Variants in HK1 observed in about 807,000 individuals in gnomAD.
The protein encoded by HK1 is hexokinase 1.
A neutral mutation model predicts 91.6 loss-of-function variants in HK1; 28 were observed. That is an observed-to-expected ratio of 0.31 (90% CI 0.23 to 0.42). The LOEUF (loss-of-function observed/expected upper bound fraction) is 0.42. HK1 is among the 10% of genes least tolerant of loss of function. The probability of loss-of-function intolerance (pLI) is 1.00; values close to 1 mark genes in which losing one functional copy is unlikely to be tolerated. For missense variants in HK1, 770 were observed against 1,219.8 expected (o/e 0.63, Z 5.49); for synonymous variants, 430 against 468.1 (o/e 0.92, Z 1.05).
chr10:69,367,524 G>C (rs543346918), intron 4 of HK1, among the ~76,000 whole-genome samples: 1 of 152,304 alleles, frequency 6.6e-6, no homozygotes, highest in Admixed American at 6.5e-5. Context: ...CTGCTTGAGA[G>C]GAGGCAGATA....
intron 17 of HK1, among the ~76,000 whole-genome samples, chr10:69,400,344 C>T (rs535212855): frequency 1.3e-5 from 2 of 152,292 alleles, no homozygotes; most frequent in South Asian, 2.1e-4. Flanking sequence ...CTGGCCCTGC[C>T]CTTCATTTTG....
chr10:69,276,547 T>C (rs1844483377), intron 1 of HK1, among the ~76,000 whole-genome samples: 1 of 151,838 alleles, frequency 6.6e-6, no homozygotes, highest in South Asian at 2.1e-4. Context: ...TAATCCCAGC[T>C]ACTCGGGAGG....
intron 3 of HK1, among the ~76,000 whole-genome samples, chr10:69,361,051 A>G (rs141124812): frequency 1.8e-3 from 272 of 152,106 alleles, no homozygotes; most frequent in African/African-American, 6.2e-3. Flanking sequence ...TCTTGACTCT[A>G]CTGTGCTCTT....
intron 5 of HK1, among the ~76,000 whole-genome samples, chr10:69,308,425 C>T (rs1846206454): frequency 6.6e-6 from 1 of 152,158 alleles, no homozygotes; most frequent in Admixed American, 6.5e-5. Context: ...GGGCTCACAA[C>T]TCTAAGAGGG....
At position 69,323,238 on chromosome 10, in the gene HK1, C is replaced by T. The variant is rs1589481670; in HGVS notation, c.63+4228C>T. ...CCAGCCTGGGCAACAGAGCGAAACT[C>T]TGTCTCAAAAAAAAAAAAAAGAAAA... is the stretch of plus-strand genomic sequence containing the variant. On this transcript the variant is annotated intron_variant, in intron 1 of 17. Transcript: ENST00000359426. Among the ~76,000 whole-genome samples, 3 of 148,010 alleles carry T rather than the reference C, an allele frequency of 2.0e-5. No homozygotes were observed. The East Asian group carries it at 5.9e-4, about 29-fold the overall frequency.
chr10:69,276,137 A>G (rs1464979723), intron 1 of HK1, among the ~76,000 whole-genome samples: 1 of 124,008 alleles, frequency 8.1e-6, no homozygotes, highest in Non-Finnish European at 1.7e-5. Context: ...ATATATATAT[A>G]TACACATATA....
At chr10:69,325,044 A>ATTTT (rs1046990181) in intron 1 of HK1, among the ~76,000 whole-genome samples, 35 of 93,868 alleles carry the variant, frequency 3.7e-4, no homozygotes, top group African/African-American at 5.1e-4. Context: ...AAAAATGTGT[A>ATTTT]TTTTTTTTTT....
At chr10:69,292,261 C>T (rs1368252153) in intron 3 of HK1, 2 of 355,416 alleles carry the variant, frequency 5.6e-6, no homozygotes, top group Non-Finnish European at 1.1e-5. Context: ...TTTGTAGAGA[C>T]AGGGTCTTGC....
At chr10:69,368,430 G>A (rs2132811396) in intron 4 of HK1, 106 bp from the exon 5 acceptor site, 1 of 930,924 alleles carries the variant, frequency 1.1e-6, no homozygotes, top group Middle Eastern at 3.0e-4. Context: ...GAGCCACTTG[G>A]CCCCTATGGG....
chr10:69,349,911 G>A (rs973615747), intron 2 of HK1, among the ~76,000 whole-genome samples: 4 of 152,202 alleles, frequency 2.6e-5, no homozygotes, highest in Non-Finnish European at 5.9e-5. Flanking sequence ...TCCTATAACT[G>A]GGAAGTCTCG....
intron 3 of HK1, among the ~76,000 whole-genome samples, chr10:69,294,557 A>G (rs2394543): frequency 0.72 from 109,215 of 151,858 alleles, 39,932 homozygotes; most frequent in East Asian, 0.98. Context: ...CTCCATCTGT[A>G]CAAAAACTAA....
In HK1 at chr10:69,290,478, C is replaced by T. The variant is rs183279526; in HGVS notation, c.-115+1708C>T. ...GCTCAGGTGCATCCCTCCTGCCTCC[C>T]AGGGTTTTTCGTTTGTTTGTTTGTT... On this transcript the variant is annotated intron_variant, in intron 3 of 21. Transcript: ENST00000360289. 3.7e-4 allele frequency among the ~76,000 whole-genome samples: 56 copies of T among 152,204 alleles called. No individual in the cohort carries two copies. The East Asian group carries it at 8.1e-3, about 22-fold the overall frequency.
At chr10:69,338,774 A>G in intron 1 of HK1, 1 of 1,081,804 alleles carries the variant, frequency 9.2e-7, no homozygotes, top group South Asian at 1.5e-5. Context: ...TGTGTATGTG[A>G]GAGTGTGTGT....
intron 16 of HK1, among the ~76,000 whole-genome samples, chr10:69,397,548 C>T (rs1208841403): frequency 6.6e-6 from 1 of 152,120 alleles, no homozygotes; most frequent in African/African-American, 2.4e-5. Flanking sequence ...TTTGGCAGGT[C>T]TGGTCTACAC....
intron 3 of HK1, chr10:69,292,204 GGGAC>G (rs1280236080): frequency 3.7e-6 from 1 of 271,132 alleles, no homozygotes; most frequent in Admixed American, 4.7e-5. Flanking sequence ...CCAAGTAGCT[GGGAC>G]TAGAGGCGTG....
intron 4 of HK1, among the ~76,000 whole-genome samples, chr10:69,296,571 T>C (rs7914285): frequency 0.96 from 146,385 of 152,262 alleles, 70,610 homozygotes; most frequent in East Asian, 1. Context: ...CTTTAAGAGC[T>C]GGGTGAGGGA....
chr10:69,363,642 GT>G (rs1849548590), intron 3 of HK1, among the ~76,000 whole-genome samples: 1 of 152,192 alleles, frequency 6.6e-6, no homozygotes, highest in Admixed American at 6.5e-5. Context: ...GCCTCCCAAA[GT>G]ATTGGGATTA....
chr10:69,339,635 G>A (rs1194414802), intron 1 of HK1, among the ~76,000 whole-genome samples: 2 of 152,218 alleles, frequency 1.3e-5, no homozygotes, highest in East Asian at 1.9e-4. Context: ...GTCCTGAAAC[G>A]TTGGGGTTTT....
At chr10:69,399,125 G>A (rs958639032) in intron 17 of HK1, among the ~76,000 whole-genome samples, 2 of 152,246 alleles carry the variant, frequency 1.3e-5, no homozygotes, top group Non-Finnish European at 2.9e-5. Flanking sequence ...GGCAGTGGGA[G>A]AGGAGGTGAG....
Sources: gnomAD v4.1 joint callset for allele counts (sites outside exome capture counted in the v4.1 genomes callset) on GRCh38, gnomAD v4.1.1 for gene constraint, MANE v1.5 for transcripts, NCBI Gene and HGNC (gene_info 2026-07-23, HGNC 2026-07-21) for gene names.